EFR3A: variants seen among roughly 807,000 people sequenced by gnomAD.
EFR3A encodes the protein EFR3 homolog A.
EFR3A carries 76 observed loss-of-function variants against 104.4 expected under a neutral mutation model. The observed-to-expected ratio is 0.73, with a 90% CI of 0.60 to 0.88. EFR3A has a LOEUF of 0.88. Among genes scored for constraint, EFR3A ranks in the 40% least tolerant of loss-of-function variants. The pLI, the probability that EFR3A is intolerant of heterozygous loss-of-function variation, is 0.00. For missense variants in EFR3A, 985 were observed against 1,012.5 expected (o/e 0.97, Z 0.37); for synonymous variants, 330 against 330.0 (o/e 1.00, Z 0.00).
chr8:131,998,473 C>T (rs1380796314), intron 19 of EFR3A, among the ~76,000 whole-genome samples: 1 of 151,704 alleles, frequency 6.6e-6, no homozygotes, highest in Admixed American at 6.6e-5. Flanking sequence ...TAGATGGAGA[C>T]CATAACAAAC....
At chr8:131,927,404 G>T (rs929409756) in intron 1 of EFR3A, among the ~76,000 whole-genome samples, 1 of 152,100 alleles carries the variant, frequency 6.6e-6, no homozygotes, top group Non-Finnish European at 1.5e-5. Context: ...GAGCTTTGTG[G>T]CAGTGACTGG....
intron 6 of EFR3A, among the ~76,000 whole-genome samples, chr8:131,955,018 T>C (rs1440020641): frequency 6.6e-6 from 1 of 152,110 alleles, no homozygotes; most frequent in Non-Finnish European, 1.5e-5. Context: ...GCACTATCTG[T>C]ATTTTTCCTG....
At chr8:131,917,914 T>G (rs1429592528) in intron 1 of EFR3A, among the ~76,000 whole-genome samples, 1 of 152,192 alleles carries the variant, frequency 6.6e-6, no homozygotes, top group Non-Finnish European at 1.5e-5. Context: ...TAGAAAAGAT[T>G]TGATTTTCTT....
intron 1 of EFR3A, 114 bp downstream of exon 1, chr8:131,904,436 A>G (rs1816138152): frequency 9.8e-7 from 1 of 1,024,046 alleles, no homozygotes; most frequent in Non-Finnish European, 1.3e-6. Context: ...GAGCAGAGCC[A>G]GGAAGTGTCT....
chr8:131,911,800 A>G (rs1298582413), intron 1 of EFR3A, among the ~76,000 whole-genome samples: 1 of 152,214 alleles, frequency 6.6e-6, no homozygotes, highest in South Asian at 2.1e-4. Context: ...AGCAAGGCCC[A>G]TCTAGATTTT....
chr8:131,978,835 C>T lies in EFR3A; in HGVS notation c.1327-12C>T. 1.3e-6 allele frequency: 2 copies of T among 1,515,622 alleles called. No individual in the cohort carries two copies. The highest frequency in any genetic ancestry group is 2.4e-5 in the East Asian group (1 of 42,026). 93.9% of individuals were successfully genotyped at this position (1,515,622 alleles called of 1,614,324 possible). On this transcript the variant is annotated splice_polypyrimidine_tract_variant and intron_variant, in intron 12 of 22. Coordinates refer to ENST00000254624, the MANE Select transcript of EFR3A (RefSeq NM_015137.6). The stretch of plus-strand genomic sequence containing the variant: ...ATGACAAAAGGTTGTTTGTTTTCTT[C>T]TCGATAATCAGGTGACCTCTGGATA...
chr8:131,981,026 T>C (rs1381712359), intron 14 of EFR3A, among the ~76,000 whole-genome samples: 1 of 120,830 alleles, frequency 8.3e-6, no homozygotes, highest in Non-Finnish European at 1.7e-5. Context: ...TCATTTTATA[T>C]ATATATATAT....
rs1822339111 is a variant in EFR3A, at chr8:132,011,413, A to G, written c.*518A>G. The stretch of plus-strand genomic sequence containing the variant: ...GATAAGCTGGGATAGGCACCTTGCT[A>G]TTCAGTTACTATAATAATATGTGAT... On this transcript the variant is annotated 3_prime_UTR_variant, in exon 23 of 23. Coordinates refer to ENST00000254624, the MANE Select transcript of EFR3A (RefSeq NM_015137.6). 1 of 985,774 alleles carries G rather than the reference A, an allele frequency of 1.0e-6. No homozygotes were observed. Among genetic ancestry groups the G allele is most frequent in the Non-Finnish European group, 1.2e-6 (1 of 830,194 alleles). The allele number at this position is 985,774 out of a possible 1,614,324, so 61.1% of individuals were successfully genotyped here.
In EFR3A at chr8:131,987,664, T is replaced by G. The variant is rs1363528844; in HGVS notation, c.2027T>G (p.Val676Gly). Residue 676 changes from valine (V) to glycine (G), a missense_variant, in exon 18 of 23, where the codon GTT becomes GGT. Physicochemically the swap from Val to Gly is moderately radical, Grantham distance 109. Coordinates refer to ENST00000254624, the MANE Select transcript of EFR3A (RefSeq NM_015137.6). ...AESLGGSGYS[V>G]ERLSVPYVPQ... ...TCGCTAGGTGGAAGTGGATATAGTGTTGAGAGATTGTCAGTTCCGTATGTA... is the reference window on the plus strand; with the variant it reads ...TCGCTAGGTGGAAGTGGATATAGTGGTGAGAGATTGTCAGTTCCGTATGTA... 1 of 1,596,692 alleles carries G rather than the reference T, an allele frequency of 6.3e-7. No individual in the cohort carries two copies. The highest frequency in any genetic ancestry group is 8.5e-7 in the Non-Finnish European group (1 of 1,170,670).
chr8:131,962,926 C>T (rs1440985832), intron 8 of EFR3A, among the ~76,000 whole-genome samples: 1 of 152,268 alleles, frequency 6.6e-6, no homozygotes, highest in Admixed American at 6.5e-5. Context: ...CACTCAAAAC[C>T]ACTCAACTAC....
At chr8:131,936,072 G>C (rs983267869) in intron 1 of EFR3A, among the ~76,000 whole-genome samples, 4 of 152,010 alleles carry the variant, frequency 2.6e-5, no homozygotes, top group African/African-American at 9.7e-5. Flanking sequence ...AGCTGCTCAA[G>C]TCCTTCTATG....
intron 8 of EFR3A, among the ~76,000 whole-genome samples, chr8:131,960,553 T>C (rs1319717901): frequency 2.0e-5 from 3 of 152,220 alleles, no homozygotes; most frequent in African/African-American, 4.8e-5. Flanking sequence ...TAAGAATTTC[T>C]GTGTATTATC....
chr8:131,915,503 A>G (rs1816703979), intron 1 of EFR3A, among the ~76,000 whole-genome samples: 1 of 152,198 alleles, frequency 6.6e-6, no homozygotes, highest in Admixed American at 6.5e-5. Context: ...GAGGTGAATA[A>G]AGCAGTCCCT....
In EFR3A at chr8:131,969,690, C is replaced by G. The variant is rs552429384; in HGVS notation, c.992-786C>G. Among the ~76,000 whole-genome samples, 21 of 151,942 alleles carry G rather than the reference C, an allele frequency of 1.4e-4. No homozygotes were observed. The East Asian group carries it at 4.1e-3, about 29-fold the overall frequency. Reference sequence around the variant, plus strand: ...CTTGGATGTGAATTTTCTGTTTTATCTTGTAACTTGAAGAGATAAAACTGG... The same window carrying G: ...CTTGGATGTGAATTTTCTGTTTTATGTTGTAACTTGAAGAGATAAAACTGG... On this transcript the variant is annotated intron_variant, in intron 9 of 22. Coordinates refer to ENST00000254624, the MANE Select transcript of EFR3A (RefSeq NM_015137.6).
intron 1 of EFR3A, among the ~76,000 whole-genome samples, chr8:131,926,881 A>G (rs1052718694): frequency 1.3e-5 from 2 of 152,182 alleles, no homozygotes; most frequent in African/African-American, 4.8e-5. Flanking sequence ...TTTGACTATA[A>G]CTGATTGCAA....
chr8:131,911,498 C>A (rs977265891), intron 1 of EFR3A, among the ~76,000 whole-genome samples: 1 of 152,098 alleles, frequency 6.6e-6, no homozygotes, highest in Non-Finnish European at 1.5e-5. Flanking sequence ...GCCGTTTTAT[C>A]CAATCATTAA....
chr8:131,985,097 G>GTACAAAATTGCTAATTTTA, intron 16 of EFR3A, 37 bp downstream of exon 16: 1 of 1,564,522 alleles, frequency 6.4e-7, no homozygotes, highest in African/African-American at 1.4e-5. Context: ...CTTGAATTTT[G>GTACAAAATTGCTAATTTTA]TACAAAATTG....
intron 11 of EFR3A, 61 bp downstream of exon 11, chr8:131,976,202 C>A: frequency 9.2e-7 from 1 of 1,083,656 alleles, no homozygotes; most frequent in Non-Finnish European, 1.3e-6. Context: ...CTAACGAAAT[C>A]TAGAAAATGT....
chr8:131,989,456 A>C (rs971555698), intron 18 of EFR3A, among the ~76,000 whole-genome samples: 2 of 152,314 alleles, frequency 1.3e-5, no homozygotes, highest in Non-Finnish European at 1.5e-5. Flanking sequence ...TGTAATTCTC[A>C]TAATGGTTTG....
Sources: allele counts gnomAD v4.1 joint callset (sites outside exome capture counted in the v4.1 genomes callset), GRCh38; gene constraint gnomAD v4.1.1; transcripts MANE v1.5; gene names NCBI Gene and HGNC (gene_info 2026-07-23, HGNC 2026-07-21).